The following CACNB4 variants were observed in gnomAD, a reference collection of about 807,000 sequenced individuals.
CACNB4 encodes the protein calcium voltage-gated channel auxiliary subunit beta 4.
In CACNB4, 32 loss-of-function variants were observed where a neutral mutation model predicts 71.2. The observed-to-expected ratio is 0.45, with a 90% CI of 0.34 to 0.60. The LOEUF (loss-of-function observed/expected upper bound fraction) is 0.60. CACNB4 is among the 20% of genes least tolerant of loss of function. The pLI is 0.01. For synonymous variants in CACNB4, 231 were observed against 236.9 expected (o/e 0.97, Z 0.23); for missense variants, 464 against 647.9 (o/e 0.72, Z 3.08).
intron 2 of CACNB4, among the ~76,000 whole-genome samples, chr2:151,944,331 C>T (rs1362210573): frequency 5.9e-5 from 9 of 152,108 alleles, no homozygotes; most frequent in African/African-American, 1.9e-4. Context: ...TAAGCCACCA[C>T]GTCCGGCCTG....
At position 151,874,330 on chromosome 2, in the gene CACNB4, C is replaced by T. The variant is rs1245851500; in HGVS notation, c.522-1837G>A. ...CAAAAATACAAAAATTAGCCAGGCA[C>T]GATGGTGCGTGCCTGTAACCCCAGC... On this transcript the variant is annotated intron_variant, in intron 5 of 13. Transcript: ENST00000539935. Among the ~76,000 whole-genome samples, 7 of 151,846 alleles carry T rather than the reference C, an allele frequency of 4.6e-5. No individual in the cohort carries two copies. In the East Asian group the frequency reaches 5.8e-4, roughly 13 times the overall value.
At chr2:152,013,574 C>A (rs1190065878) in intron 2 of CACNB4, among the ~76,000 whole-genome samples, 1 of 152,088 alleles carries the variant, frequency 6.6e-6, no homozygotes, top group African/African-American at 2.4e-5. Context: ...CAGAGAGGCT[C>A]TGCAGAGGGG....
intron 2 of CACNB4, among the ~76,000 whole-genome samples, chr2:152,068,723 G>C (rs758983920): frequency 2.0e-4 from 30 of 152,082 alleles, no homozygotes; most frequent in Non-Finnish European, 4.1e-4. Flanking sequence ...GAAGGGTCAG[G>C]GTGGTAAGAT....
intron 2 of CACNB4, among the ~76,000 whole-genome samples, chr2:151,982,161 T>C (rs1175076247): frequency 6.6e-6 from 1 of 152,022 alleles, no homozygotes; most frequent in Non-Finnish European, 1.5e-5. Context: ...TTTCTCCATT[T>C]CCCCCATTTA....
chr2:151,968,956 T>C (rs2099871828), intron 2 of CACNB4: 1 of 152,250 alleles, frequency 6.6e-6, no homozygotes. Flanking sequence ...AAGGAATTTC[T>C]CTCTTTGGCT....
At chr2:152,085,857 G>C (rs954392406) in intron 2 of CACNB4, among the ~76,000 whole-genome samples, 1 of 148,410 alleles carries the variant, frequency 6.7e-6, no homozygotes, top group African/African-American at 2.5e-5. Flanking sequence ...TGAATGTACT[G>C]AATGCTACTG....
At chr2:151,955,338 T>C (rs4664510) in intron 2 of CACNB4, among the ~76,000 whole-genome samples, 38,884 of 152,142 alleles carry the variant, frequency 0.26, 5,117 homozygotes, top group Middle Eastern at 0.44. Context: ...TATTGTGTAT[T>C]ATTGTGCTAT....
chr2:151,926,518 G>A (rs1443182252), intron 2 of CACNB4, among the ~76,000 whole-genome samples: 4 of 152,176 alleles, frequency 2.6e-5, no homozygotes, highest in Non-Finnish European at 5.9e-5. Context: ...TCTCTAAAAT[G>A]AGGGTCCCCA....
At chr2:151,849,375 A>C (rs2099838445) in intron 12 of CACNB4, among the ~76,000 whole-genome samples, 1 of 152,120 alleles carries the variant, frequency 6.6e-6, no homozygotes, top group Non-Finnish European at 1.5e-5. Flanking sequence ...CTCTCACCTC[A>C]GCCTACCAAG....
At chr2:151,887,231 G>C (rs951478702) in intron 2 of CACNB4, among the ~76,000 whole-genome samples, 6 of 151,804 alleles carry the variant, frequency 4.0e-5, no homozygotes, top group Non-Finnish European at 5.9e-5. Flanking sequence ...AAAACAGGTA[G>C]GAGCGAGCTA....
rs890826503 is a variant in CACNB4 at position 151,973,468 on chromosome 2, T to C, written c.148-90098A>G. 3 of 586,290 alleles carry C rather than the reference T, an allele frequency of 5.1e-6. No homozygotes were observed. The South Asian group carries it at 6.7e-5, about 13-fold the overall frequency. The allele number at this position is 586,290 out of a possible 1,614,324, so 36.3% of individuals were successfully genotyped here. A position where few individuals can be genotyped will look rare whatever the true frequency, so the allele number is the denominator to read the frequency against. On this transcript the variant is annotated intron_variant, in intron 2 of 13. Coordinates refer to ENST00000539935, the MANE Select transcript of CACNB4 (RefSeq NM_000726.5). ...CTTTGCCATCACCCTAATTTCTTTT[T>C]TGCTTGACAATAAATAATTTTAGTT... is the stretch of plus-strand genomic sequence containing the variant.
At chr2:151,977,126 T>A (rs1180286390) in intron 2 of CACNB4, among the ~76,000 whole-genome samples, 1 of 152,194 alleles carries the variant, frequency 6.6e-6, no homozygotes, top group Non-Finnish European at 1.5e-5. Flanking sequence ...GGAACCCACC[T>A]ACCTCTCATT....
chr2:151,947,165 C>T (rs1469750507), intron 2 of CACNB4, among the ~76,000 whole-genome samples: 1 of 152,230 alleles, frequency 6.6e-6, no homozygotes, highest in Non-Finnish European at 1.5e-5. Flanking sequence ...GCAGAAGGCA[C>T]TTCATGGCTG....
Position 151,880,808 on chromosome 2 carries a change from T to C in CACNB4, c.382A>G (p.Ile128Val). 1 of 1,611,972 alleles carries C rather than the reference T, an allele frequency of 6.2e-7. No individual in the cohort carries two copies. The highest frequency in any genetic ancestry group is 8.5e-7 in the Non-Finnish European group (1 of 1,178,968). The change falls in exon 4 of 14, where the codon ATT (isoleucine) becomes GTT (valine). Residue 128 changes from isoleucine to valine, a missense_variant. This residue lies in a region of CACNB4 where 299 missense variants were observed against 471.7 expected (regional missense o/e 0.63). Transcript: ENST00000539935. ...GTATGTTCTACATTTACCTCTTTAA[T>C]ATGTAGAAAGTCTTTAGCATCAAAG... ...ISFDAKDFLH[I>V]KEKYNNDWWI...
chr2:151,899,944 T>C (rs1034552906), intron 2 of CACNB4, among the ~76,000 whole-genome samples: 1 of 152,092 alleles, frequency 6.6e-6, no homozygotes, highest in South Asian at 2.1e-4. Context: ...GTACAAAAAG[T>C]ACCATAAAAG....
At chr2:152,077,268 A>G (rs1342971168) in intron 2 of CACNB4, among the ~76,000 whole-genome samples, 3 of 152,090 alleles carry the variant, frequency 2.0e-5, no homozygotes, top group Non-Finnish European at 4.4e-5. Context: ...TAAAATATAA[A>G]AATTGGCCAG....
At chr2:151,937,756 G>A (rs544668277) in intron 2 of CACNB4, among the ~76,000 whole-genome samples, 2 of 152,238 alleles carry the variant, frequency 1.3e-5, no homozygotes, top group East Asian at 1.9e-4. Context: ...GCTGCTAAAT[G>A]GCCACCAATG....
chr2:152,088,442 T>C (rs918408604), intron 2 of CACNB4, among the ~76,000 whole-genome samples: 1 of 152,220 alleles, frequency 6.6e-6, no homozygotes, highest in Non-Finnish European at 1.5e-5. Flanking sequence ...CATCATAATA[T>C]ATGGACACAG....
chr2:152,054,521 A>T (rs12470410), intron 2 of CACNB4, among the ~76,000 whole-genome samples: 64,201 of 152,032 alleles, frequency 0.42, 16,670 homozygotes, highest in Non-Finnish European at 0.59. Context: ...TATTACGAAT[A>T]ATGCTGCAAA....
Sources: allele counts gnomAD v4.1 joint callset (sites outside exome capture counted in the v4.1 genomes callset), GRCh38; gene constraint gnomAD v4.1.1; regional missense constraint gnomAD v4.1.1; transcripts MANE v1.5; gene names NCBI Gene and HGNC (gene_info 2026-07-23, HGNC 2026-07-21).